CD200R1: variants seen among roughly 807,000 people sequenced by gnomAD.
The protein encoded by CD200R1 is cell surface glycoprotein CD200 receptor 1.
In CD200R1, 30 loss-of-function variants were observed where a neutral mutation model predicts 38.1. The observed-to-expected ratio is 0.79, with a 90% CI of 0.59 to 1.07. The LOEUF is 1.07. Ranked by LOEUF, CD200R1 falls within the 50% of genes least tolerant of loss-of-function variation. The pLI, the probability that CD200R1 is intolerant of heterozygous loss-of-function variation, is 0.00. For synonymous variants in CD200R1, 128 were observed against 152.1 expected, an observed-to-expected ratio of 0.84 and a Z score of 1.16; for missense variants, 372 against 415.4, an observed-to-expected ratio of 0.90 and a Z score of 0.91.
At chr3:112,960,829 A>G (rs1932998572) in intron 1 of CD200R1, among the ~76,000 whole-genome samples, 1 of 151,540 alleles carries the variant, frequency 6.6e-6, no homozygotes, top group Non-Finnish European at 1.5e-5. Context: ...ATGTATGTAA[A>G]TCAAATGCAA....
intron 1 of CD200R1, among the ~76,000 whole-genome samples, chr3:112,958,929 C>T (rs1285620590): frequency 1.3e-5 from 2 of 152,066 alleles, no homozygotes; most frequent in Non-Finnish European, 2.9e-5. Flanking sequence ...CATATACACC[C>T]ACACATAAAA....
At chr3:112,926,144 A>G (rs999769413) in intron 5 of CD200R1, among the ~76,000 whole-genome samples, 14 of 152,176 alleles carry the variant, frequency 9.2e-5, no homozygotes, top group South Asian at 2.1e-4. Context: ...CACAGCAGGA[A>G]CTTTATTTAT....
intron 2 of CD200R1, among the ~76,000 whole-genome samples, chr3:112,943,301 A>T (rs963788132): frequency 4.0e-5 from 6 of 151,836 alleles, no homozygotes; most frequent in Non-Finnish European, 5.9e-5. Context: ...TGATGGAATT[A>T]AACTGGAAAT....
intron 1 of CD200R1, among the ~76,000 whole-genome samples, chr3:112,957,136 TGG>T (rs1195357044): frequency 6.6e-6 from 1 of 152,154 alleles, no homozygotes; most frequent in African/African-American, 2.4e-5. Flanking sequence ...CTGTCTAGAA[TGG>T]GGTAAGAGGT....
chr3:112,962,733 C>G (rs1324796128), intron 1 of CD200R1, among the ~76,000 whole-genome samples: 1 of 152,138 alleles, frequency 6.6e-6, no homozygotes, highest in Non-Finnish European at 1.5e-5. Flanking sequence ...CAGATATAAC[C>G]CATGAGCTGC....
chr3:112,931,259 A>ATTAT, intron 2 of CD200R1, 88 bp from the exon 3 acceptor site: 1 of 745,130 alleles, frequency 1.3e-6, no homozygotes, highest in Non-Finnish European at 2.4e-6. Context: ...CTTATCCAAC[A>ATTAT]TGATAGGCAA....
chr3:112,939,125 A>T (rs1170245122), intron 2 of CD200R1, among the ~76,000 whole-genome samples: 1 of 152,028 alleles, frequency 6.6e-6, no homozygotes, highest in African/African-American at 2.4e-5. Context: ...AAAGTACTTC[A>T]ACACAATAAA....
intron 1 of CD200R1, among the ~76,000 whole-genome samples, chr3:112,970,801 A>G (rs755922859): frequency 6.6e-5 from 10 of 152,038 alleles, no homozygotes; most frequent in Non-Finnish European, 1.0e-4. Flanking sequence ...GCATCCCTCT[A>G]TCTAATGTCT....
At chr3:112,956,445 C>T (rs150530118) in intron 1 of CD200R1, among the ~76,000 whole-genome samples, 6 of 151,756 alleles carry the variant, frequency 4.0e-5, no homozygotes, top group African/African-American at 1.5e-4. Context: ...TCTGTGTTTT[C>T]TTGAACTTTG....
rs59411291 is a variant in CD200R1 at position 112,957,447 on chromosome 3, C to CAA, written c.68-9525_68-9524dup. 2.6e-5 allele frequency among the ~76,000 whole-genome samples: 4 copies of CAA among 151,548 alleles called. No individual in the cohort carries two copies. The East Asian group carries it at 7.8e-4, about 29-fold the overall frequency. ...GATGGAACAACTGGTTATACATATG[C>CAA]AAAAAAAATGAACTTCAACCCTTTA... On this transcript the variant is annotated intron_variant, in intron 1 of 7. Transcript: ENST00000308611.
intron 1 of CD200R1, among the ~76,000 whole-genome samples, chr3:112,973,256 G>C (rs1304457788): frequency 1.3e-5 from 2 of 152,132 alleles, no homozygotes; most frequent in Non-Finnish European, 2.9e-5. Flanking sequence ...TCTACAACAA[G>C]ATCTGAACTA....
chr3:112,963,542 T>A (rs142633993), intron 1 of CD200R1, among the ~76,000 whole-genome samples: 2 of 152,298 alleles, frequency 1.3e-5, no homozygotes, highest in Non-Finnish European at 2.9e-5. Flanking sequence ...GCCCTAGAGA[T>A]GTGTGGAACT....
chr3:112,945,968 G>A (rs1406337575), intron 2 of CD200R1, among the ~76,000 whole-genome samples: 2 of 140,872 alleles, frequency 1.4e-5, no homozygotes, highest in Non-Finnish European at 3.0e-5. Flanking sequence ...GGGAGGCGGA[G>A]CTTGCAGTGA....
In CD200R1 at chr3:112,929,414, A is replaced by C; in HGVS notation, c.296T>G (p.Ile99Arg). Residue 99 changes from isoleucine to arginine, a missense_variant, in exon 4 of 8, where the codon ATA becomes AGA. Ile to Arg is a moderately conservative substitution (Grantham distance 97). Transcript: ENST00000308611. The stretch of plus-strand genomic sequence containing the variant: ...GCAGGAAGGCTGGCCTCTCAGGATT[A>C]TTTCCCATGTTATTATGATCAAATT... ...LRNLIIITWEIILRGQPSCTK... is the reference protein window; with the variant it reads ...LRNLIIITWERILRGQPSCTK... 5.6e-6 allele frequency: 9 copies of C among 1,613,900 alleles called. No homozygotes were observed. The highest frequency in any genetic ancestry group is 7.6e-6 in the Non-Finnish European group (9 of 1,179,876).
chr3:112,929,796 T>C (rs1376702381), intron 3 of CD200R1, among the ~76,000 whole-genome samples: 1 of 152,092 alleles, frequency 6.6e-6, no homozygotes, highest in African/African-American at 2.4e-5. Context: ...ACAAAGAGAA[T>C]TGTAAATTAA....
chr3:112,926,390 A>T (rs1940281067), intron 5 of CD200R1, among the ~76,000 whole-genome samples: 1 of 152,188 alleles, frequency 6.6e-6, no homozygotes, highest in Non-Finnish European at 1.5e-5. Context: ...ATGAAAATTA[A>T]ATGTTTGGTT....
chr3:112,973,534 G>C (rs368516018), intron 1 of CD200R1, among the ~76,000 whole-genome samples: 1 of 152,104 alleles, frequency 6.6e-6, no homozygotes. Context: ...AAAATGGAGA[G>C]GTGTCTTCCA....
At chr3:112,932,203 G>C (rs917555574) in intron 2 of CD200R1, among the ~76,000 whole-genome samples, 2 of 152,092 alleles carry the variant, frequency 1.3e-5, no homozygotes, top group Non-Finnish European at 2.9e-5. Context: ...GAAGTACACC[G>C]TGTCCTGGGG....
At chr3:112,946,100 C>G (rs1367415758) in intron 2 of CD200R1, among the ~76,000 whole-genome samples, 13 of 151,526 alleles carry the variant, frequency 8.6e-5, no homozygotes, top group Non-Finnish European at 2.9e-5. Flanking sequence ...TACAGTCATC[C>G]CTTGTTGCCT....
Sources: allele counts gnomAD v4.1 joint callset (sites outside exome capture counted in the v4.1 genomes callset), GRCh38; gene constraint gnomAD v4.1.1; transcripts MANE v1.5; gene names NCBI Gene and HGNC (gene_info 2026-07-23, HGNC 2026-07-21).